SLC38A12: variants seen among roughly 807,000 people sequenced by gnomAD.
SLC38A12 encodes the protein putative sodium-coupled neutral amino acid transporter 12.
At chr17:74,807,142 G>T in the SLC38A12 span, among the ~76,000 whole-genome samples, 1 of 117,684 alleles carries the variant, frequency 8.5e-6, no homozygotes, top group East Asian at 2.9e-4. Context: ...ATCCCCAGAC[G>T]TCGAGTGCTG....
At chr17:74,820,780 G>A in the SLC38A12 span, among the ~76,000 whole-genome samples, 369 of 152,182 alleles carry the variant, frequency 2.4e-3, 1 homozygote, top group Admixed American at 5.4e-3. Flanking sequence ...CACTGTGCTC[G>A]CCCATTCTAC....
At chr17:74,835,959 C>T in the SLC38A12 span, 18 of 1,611,012 alleles carry the variant, frequency 1.1e-5, no homozygotes, top group Admixed American at 1.8e-4. Flanking sequence ...GGCCCTGATC[C>T]GCATCGGGCA....
the SLC38A12 span, among the ~76,000 whole-genome samples, chr17:74,820,579 G>T: frequency 1.3e-5 from 2 of 152,212 alleles, no homozygotes; most frequent in African/African-American, 2.4e-5. Flanking sequence ...GGCTTTGGGC[G>T]TCTGTTGGAC....
At chr17:74,835,991 G>A in the SLC38A12 span, 35 of 1,611,762 alleles carry the variant, frequency 2.2e-5, no homozygotes, top group African/African-American at 1.2e-4. Context: ...AGGGGCACCC[G>A]CCCCTGGCTG....
chr17:74,794,611 G>A, the SLC38A12 span, among the ~76,000 whole-genome samples: 19 of 151,826 alleles, frequency 1.3e-4, no homozygotes, highest in Non-Finnish European at 2.5e-4. Context: ...CTTAGAGCCC[G>A]GTGTTGGCTG....
At chr17:74,809,486 C>T in the SLC38A12 span, among the ~76,000 whole-genome samples, 3 of 152,182 alleles carry the variant, frequency 2.0e-5, no homozygotes, top group Non-Finnish European at 4.4e-5. Flanking sequence ...TTTCTCGGAG[C>T]CCGCACAGGG....
At chr17:74,805,128 G>A in the SLC38A12 span, among the ~76,000 whole-genome samples, 2 of 152,252 alleles carry the variant, frequency 1.3e-5, no homozygotes, top group Non-Finnish European at 2.9e-5. The surrounding 1 kb of genome is among the most constrained non-coding windows in gnomAD (Gnocchi z 5.0). Flanking sequence ...TCCTGCTGGC[G>A]CAGATCTGTC....
At chr17:74,838,647 T>C in the SLC38A12 span, 1 of 1,386,712 alleles carries the variant, frequency 7.2e-7, no homozygotes. Flanking sequence ...ACTGCCGTTG[T>C]CTAGCTGCTT....
the SLC38A12 span, chr17:74,777,807 G>A: frequency 2.4e-5 from 9 of 375,660 alleles, no homozygotes; most frequent in South Asian, 4.0e-5. Context: ...CCAGCTACTC[G>A]GGAGGCTGAG....
At chr17:74,812,001 G>A in the SLC38A12 span, among the ~76,000 whole-genome samples, 20 of 150,976 alleles carry the variant, frequency 1.3e-4, no homozygotes, top group Admixed American at 9.9e-4. Context: ...AGCTATGATC[G>A]CACCACTGCA....
chr17:74,788,252 C>T, the SLC38A12 span, among the ~76,000 whole-genome samples: 2 of 152,182 alleles, frequency 1.3e-5, no homozygotes, highest in Non-Finnish European at 2.9e-5. Context: ...GTAAAAAGTA[C>T]TGCCAAAGAA....
the SLC38A12 span, chr17:74,838,476 A>G: frequency 6.9e-6 from 7 of 1,021,120 alleles, no homozygotes; most frequent in African/African-American, 3.4e-5. Context: ...CGAGGCTCCA[A>G]ACCAAATCTT....
At chr17:74,777,374 A>C in the SLC38A12 span, 1 of 1,614,190 alleles carries the variant, frequency 6.2e-7, no homozygotes, top group Non-Finnish European at 8.5e-7. Flanking sequence ...TACTCTTCCT[A>C]CGTGAGTGTG....
At chr17:74,778,107 A>G in the SLC38A12 span, among the ~76,000 whole-genome samples, 1 of 152,244 alleles carries the variant, frequency 6.6e-6, no homozygotes, top group Non-Finnish European at 1.5e-5. Flanking sequence ...CAGCGAAAGC[A>G]TACAGAGACT....
At chr17:74,838,560 C>T in the SLC38A12 span, 38 of 1,167,952 alleles carry the variant, frequency 3.3e-5, no homozygotes, top group Middle Eastern at 7.2e-4. Context: ...GCCATGGAGT[C>T]GGTGGCCGTG....
the SLC38A12 span, among the ~76,000 whole-genome samples, chr17:74,813,192 G>C: frequency 6.6e-6 from 1 of 152,182 alleles, no homozygotes; most frequent in Admixed American, 6.5e-5. Context: ...CCTGGTCACT[G>C]CTGGCCGCTT....
chr17:74,814,729 C>G, the SLC38A12 span, among the ~76,000 whole-genome samples: 5 of 152,126 alleles, frequency 3.3e-5, no homozygotes, highest in Admixed American at 1.3e-4. Flanking sequence ...GCAGGCACTC[C>G]CCCCACCAAA....
At chr17:74,785,523 C>T in the SLC38A12 span, 7 of 1,614,008 alleles carry the variant, frequency 4.3e-6, no homozygotes, top group African/African-American at 5.3e-5. Context: ...TGGGCACGGG[C>T]GCACTCACCA....
chr17:74,828,743 C>A, the SLC38A12 span, among the ~76,000 whole-genome samples: 9 of 152,046 alleles, frequency 5.9e-5, no homozygotes, highest in Non-Finnish European at 1.0e-4. Context: ...TTGGGCTTTT[C>A]GAGAAGGATT....
Sources: allele counts gnomAD v4.1 joint callset (sites outside exome capture counted in the v4.1 genomes callset), GRCh38; gene constraint gnomAD v4.1.1; non-coding constraint Gnocchi (gnomAD v3.1); transcripts MANE v1.5; gene names NCBI Gene and HGNC (gene_info 2026-07-23, HGNC 2026-07-21).